CCDC83: variants seen among roughly 807,000 people sequenced by gnomAD.
CCDC83 encodes coiled-coil domain-containing protein 83.
In CCDC83, 54 loss-of-function variants were observed where a neutral mutation model predicts 50.1. That is an observed-to-expected ratio of 1.08 (90% confidence interval 0.87 to 1.35). The LOEUF (loss-of-function observed/expected upper bound fraction) is 1.35. Ranked by LOEUF, CCDC83 falls within the 40% of genes most tolerant of loss-of-function variation. The pLI, the probability that CCDC83 is intolerant of heterozygous loss-of-function variation, is 0.00. For missense variants in CCDC83, 518 were observed against 473.9 expected (o/e 1.09, Z -0.86); for synonymous variants, 161 against 153.3 (o/e 1.05, Z -0.37).
chr11:85,884,398 A>C (rs1706132597), intron 4 of CCDC83, among the ~76,000 whole-genome samples: 1 of 152,182 alleles, frequency 6.6e-6, no homozygotes, highest in African/African-American at 2.4e-5. Context: ...CCCCACCCAG[A>C]CCTACTGAAT....
rs757580022 is a variant in CCDC83 at position 85,912,650 on chromosome 11, T to C, written c.794+1248T>C. 4 of 1,587,360 alleles carry C rather than the reference T, an allele frequency of 2.5e-6. No individual in the cohort carries two copies. In the South Asian group the frequency reaches 3.3e-5, roughly 13 times the overall value. ...GCCAGCCCTCCTCTCTGTGATCAGGTATCCAGTGCTACATTCCTGTCCCAC... is the reference window on the plus strand; with the variant it reads ...GCCAGCCCTCCTCTCTGTGATCAGGCATCCAGTGCTACATTCCTGTCCCAC... On this transcript the variant is annotated intron_variant, in intron 8 of 10. Transcript: ENST00000342404.
At chr11:85,912,766 G>T (rs575388047) in intron 8 of CCDC83, 2 of 1,328,204 alleles carry the variant, frequency 1.5e-6, no homozygotes, top group African/African-American at 1.4e-5. Flanking sequence ...ACTACCTACT[G>T]CTATAGCTGC....
At chr11:85,893,552 A>G (rs1274165133) in intron 5 of CCDC83, among the ~76,000 whole-genome samples, 1 of 152,218 alleles carries the variant, frequency 6.6e-6, no homozygotes, top group Non-Finnish European at 1.5e-5. Context: ...ACAGGCCAAG[A>G]TTAGTCTGTG....
Position 85,919,209 on chromosome 11 carries a change from T to A in CCDC83, c.1081-140T>A, listed in dbSNP as rs950299685. The A allele has an allele frequency of 4.3e-6, 3 of 703,380 alleles. No homozygotes were observed. In the African/African-American group the frequency reaches 5.5e-5, roughly 13 times the overall value. 43.6% of individuals were successfully genotyped at this position (703,380 alleles called of 1,614,324 possible). A position where few individuals can be genotyped will look rare whatever the true frequency, so the allele number is the denominator to read the frequency against. ...CATTTATAGTGGCTCTCATATTTCATGTGCTACACAGCATCAGGCAATTAG... is the reference window on the plus strand; with the variant it reads ...CATTTATAGTGGCTCTCATATTTCAAGTGCTACACAGCATCAGGCAATTAG... On this transcript the variant is annotated intron_variant, in intron 10 of 10. Coordinates refer to ENST00000342404, the MANE Select transcript of CCDC83 (RefSeq NM_001286159.2).
chr11:85,875,380 GC>G lies in CCDC83; in HGVS notation c.180+2086del, dbSNP rs1161994163. ...CTGGGGACCGGCCCCATCTGCCTAG[GC>G]ATTTGTCTGCCTCCTGCCTCTATCA... On this transcript the variant is annotated intron_variant, in intron 3 of 10. Transcript: ENST00000342404. 2.6e-5 allele frequency among the ~76,000 whole-genome samples: 4 copies of G among 152,212 alleles called. No individual in the cohort carries two copies. The East Asian group carries it at 7.7e-4, about 29-fold the overall frequency.
At chr11:85,863,008 T>C (rs761272805) in intron 1 of CCDC83, among the ~76,000 whole-genome samples, 1 of 152,172 alleles carries the variant, frequency 6.6e-6, no homozygotes, top group African/African-American at 2.4e-5. Context: ...TATACATTAG[T>C]CAGAGAGTTA....
At chr11:85,895,262 T>C (rs1565148348) in intron 5 of CCDC83, 31 bp from the exon 6 acceptor site, 1 of 1,002,240 alleles carries the variant, frequency 1.0e-6, no homozygotes, top group East Asian at 2.8e-5. Context: ...GCTTTTAATT[T>C]TCTTTTTTTT....
chr11:85,910,053 CAT>C (rs1227708215), intron 7 of CCDC83, among the ~76,000 whole-genome samples: 1 of 152,170 alleles, frequency 6.6e-6, no homozygotes, highest in Non-Finnish European at 1.5e-5. Context: ...TGCCTTTGCA[CAT>C]GTGGTTTCTT....
At chr11:85,884,553 A>G (rs969581520) in intron 4 of CCDC83, among the ~76,000 whole-genome samples, 2 of 152,238 alleles carry the variant, frequency 1.3e-5, no homozygotes, top group Non-Finnish European at 2.9e-5. Flanking sequence ...TAGCCTAAGC[A>G]TAAAGGGGAT....
chr11:85,913,841 A>C (rs2093465818), intron 8 of CCDC83, among the ~76,000 whole-genome samples: 1 of 152,200 alleles, frequency 6.6e-6, no homozygotes, highest in African/African-American at 2.4e-5. Context: ...TCTAACACTA[A>C]CTTACCATAA....
At chr11:85,856,708 TA>T (rs1213906009) in intron 1 of CCDC83, among the ~76,000 whole-genome samples, 1 of 152,248 alleles carries the variant, frequency 6.6e-6, no homozygotes, top group Non-Finnish European at 1.5e-5. Flanking sequence ...CTCATCTAGA[TA>T]TTTTTAAATA....
chr11:85,900,574 C>T (rs2093396603), intron 7 of CCDC83, among the ~76,000 whole-genome samples: 1 of 152,140 alleles, frequency 6.6e-6, no homozygotes, highest in South Asian at 2.1e-4. Flanking sequence ...TGGGGAAAAT[C>T]CATGCCACTC....
At position 85,898,306 on chromosome 11, in the gene CCDC83, T is replaced by C. The variant is rs147999412; in HGVS notation, c.604-641T>C. Among the ~76,000 whole-genome samples, 7 of 152,324 alleles carry C rather than the reference T, an allele frequency of 4.6e-5. No individual in the cohort carries two copies. The East Asian group carries it at 1.2e-3, about 25-fold the overall frequency. On this transcript the variant is annotated intron_variant, in intron 6 of 10. Coordinates refer to ENST00000342404, the MANE Select transcript of CCDC83 (RefSeq NM_001286159.2). Reference sequence around the variant, plus strand: ...ACTAAATATTGAATTTGTACCATAGTATCCATATAAAAGCATCTCGCAGAG... The same window carrying C: ...ACTAAATATTGAATTTGTACCATAGCATCCATATAAAAGCATCTCGCAGAG...
At chr11:85,879,925 T>C (rs1321526036) in intron 3 of CCDC83, among the ~76,000 whole-genome samples, 4 of 152,204 alleles carry the variant, frequency 2.6e-5, no homozygotes, top group Non-Finnish European at 2.9e-5. Flanking sequence ...CTTGTGTGCG[T>C]CTGTTTCTGA....
chr11:85,875,795 T>A (rs1406808948), intron 3 of CCDC83, among the ~76,000 whole-genome samples: 1 of 152,238 alleles, frequency 6.6e-6, no homozygotes, highest in East Asian at 1.9e-4. Context: ...TTCCTACACA[T>A]CATCTCTTCC....
At chr11:85,904,530 T>G (rs1219460845) in intron 7 of CCDC83, among the ~76,000 whole-genome samples, 1 of 152,230 alleles carries the variant, frequency 6.6e-6, no homozygotes, top group Non-Finnish European at 1.5e-5. Flanking sequence ...CACTGCCTTT[T>G]GAGAGAACGC....
At chr11:85,897,914 G>A (rs2135089986) in intron 6 of CCDC83, among the ~76,000 whole-genome samples, 1 of 152,142 alleles carries the variant, frequency 6.6e-6, no homozygotes, top group Admixed American at 6.5e-5. Flanking sequence ...CCCAGCATTT[G>A]GGGAGGCCAA....
chr11:85,917,258 GGAAGGAAGGAAGGAAGGAAA>G (rs2093486339), intron 10 of CCDC83, among the ~76,000 whole-genome samples: 4 of 124,510 alleles, frequency 3.2e-5, no homozygotes, highest in South Asian at 2.8e-4. Context: ...AAGGAGGAAA[GGAAGGAAGGAAGGAAGGAAA>G]GAAGGAAGGA....
chr11:85,884,950 C>T (rs2093319397), intron 4 of CCDC83, among the ~76,000 whole-genome samples: 1 of 152,158 alleles, frequency 6.6e-6, no homozygotes, highest in Non-Finnish European at 1.5e-5. Flanking sequence ...GTGACTCATA[C>T]CTGTAATCCT....
Sources: gnomAD v4.1 joint callset for allele counts (sites outside exome capture counted in the v4.1 genomes callset) on GRCh38, gnomAD v4.1.1 for gene constraint, MANE v1.5 for transcripts, NCBI Gene and HGNC (gene_info 2026-07-23, HGNC 2026-07-21) for gene names.